OPCML: variants seen among roughly 807,000 people sequenced by gnomAD.
OPCML encodes opioid binding protein/cell adhesion molecule like, also known as opioid-binding protein/cell adhesion molecule.
In OPCML, 13 loss-of-function variants were observed where a neutral mutation model predicts 37.8. The observed-to-expected ratio is 0.34, with a 90% CI of 0.22 to 0.55. The LOEUF is 0.55. Among genes scored for constraint, OPCML ranks in the 20% least tolerant of loss-of-function variants. OPCML has a pLI of 0.91. For missense variants in OPCML, 341 were observed against 435.6 expected (o/e 0.78, Z 1.93); for synonymous variants, 176 against 168.8 (o/e 1.04, Z -0.33).
intron 2 of OPCML, 143 bp from the exon 3 acceptor site, chr11:132,657,462 A>G (rs1941764833): frequency 2.1e-6 from 3 of 1,425,924 alleles, no homozygotes; most frequent in South Asian, 3.1e-5. Context: ...ACAATTATTG[A>G]TGAAACTTCC....
At chr11:132,982,065 T>A (rs1946599478) in intron 1 of OPCML, among the ~76,000 whole-genome samples, 1 of 152,150 alleles carries the variant, frequency 6.6e-6, no homozygotes, top group African/African-American at 2.4e-5. Flanking sequence ...ATTCTACGGC[T>A]CGAATACGGG....
intron 1 of OPCML, among the ~76,000 whole-genome samples, chr11:133,424,662 G>A (rs1037263129): frequency 2.2e-4 from 33 of 152,104 alleles, no homozygotes; most frequent in African/African-American, 5.3e-4. Context: ...TAAAAATGCC[G>A]TGATAAACAT....
chr11:132,967,638 G>A (rs1217773854), intron 1 of OPCML, among the ~76,000 whole-genome samples: 4 of 152,100 alleles, frequency 2.6e-5, no homozygotes, highest in African/African-American at 9.7e-5. Context: ...TGTACACATT[G>A]CTTTCTACAA....
At chr11:132,840,339 G>C (rs1436488411) in intron 2 of OPCML, among the ~76,000 whole-genome samples, 1 of 152,200 alleles carries the variant, frequency 6.6e-6, no homozygotes, top group Non-Finnish European at 1.5e-5. Context: ...CAGCAGCCCT[G>C]TGTCCGAATT....
At chr11:133,389,613 T>C (rs1399547928) in intron 1 of OPCML, among the ~76,000 whole-genome samples, 1 of 152,232 alleles carries the variant, frequency 6.6e-6, no homozygotes, top group Non-Finnish European at 1.5e-5. Context: ...TTATTATTAC[T>C]ATACTTTGTA....
chr11:132,715,105 C>T (rs1199643225), intron 2 of OPCML, among the ~76,000 whole-genome samples: 1 of 152,196 alleles, frequency 6.6e-6, no homozygotes, highest in Non-Finnish European at 1.5e-5. Flanking sequence ...GGAACTGTGA[C>T]TCCACTGCTC....
chr11:133,259,679 T>TA (rs1187464952), intron 1 of OPCML, among the ~76,000 whole-genome samples: 4 of 152,204 alleles, frequency 2.6e-5, no homozygotes, highest in Non-Finnish European at 5.9e-5. Context: ...TTATACTTTT[T>TA]AAAAAATTAG....
chr11:132,631,142 A>G (rs1940077771), intron 3 of OPCML, among the ~76,000 whole-genome samples: 1 of 151,888 alleles, frequency 6.6e-6, no homozygotes, highest in Non-Finnish European at 1.5e-5. Flanking sequence ...TATTTCCTTA[A>G]GTTCTCTCAT....
intron 1 of OPCML, among the ~76,000 whole-genome samples, chr11:133,481,950 C>T (rs887538116): frequency 1.3e-5 from 2 of 152,132 alleles, no homozygotes; most frequent in South Asian, 4.1e-4. Flanking sequence ...AGGTCAGAAA[C>T]CTAATGGGCT....
intron 3 of OPCML, among the ~76,000 whole-genome samples, chr11:132,647,075 C>T (rs1941188526): frequency 6.6e-6 from 1 of 152,132 alleles, no homozygotes; most frequent in African/African-American, 2.4e-5. Flanking sequence ...TTGTAAATGA[C>T]CTGGCGTGGC....
At chr11:133,341,108 G>T (rs568024064) in intron 1 of OPCML, among the ~76,000 whole-genome samples, 3 of 152,100 alleles carry the variant, frequency 2.0e-5, no homozygotes, top group Non-Finnish European at 4.4e-5. Context: ...CGAGCTTCTT[G>T]TGGGACTCTG....
chr11:132,789,292 T>G (rs1281152726), intron 2 of OPCML, among the ~76,000 whole-genome samples: 2 of 152,246 alleles, frequency 1.3e-5, no homozygotes, highest in South Asian at 4.1e-4. Flanking sequence ...TGTTCACCAC[T>G]GTCTAGGCAA....
intron 1 of OPCML, among the ~76,000 whole-genome samples, chr11:133,494,834 C>T (rs1235685313): frequency 6.6e-6 from 1 of 151,088 alleles, no homozygotes; most frequent in African/African-American, 2.4e-5. Flanking sequence ...AACTAACCTG[C>T]ACATTGTGCA....
chr11:133,283,809 C>T (rs1360299690), intron 1 of OPCML, among the ~76,000 whole-genome samples: 1 of 152,160 alleles, frequency 6.6e-6, no homozygotes, highest in Non-Finnish European at 1.5e-5. Flanking sequence ...CTATGGGCTT[C>T]ATGCCTTAGA....
intron 1 of OPCML, among the ~76,000 whole-genome samples, chr11:133,414,266 G>A (rs944967375): frequency 6.6e-5 from 10 of 152,048 alleles, no homozygotes; most frequent in African/African-American, 1.9e-4. Flanking sequence ...ATGTATATAC[G>A]TGGTTTTCAT....
intron 2 of OPCML, among the ~76,000 whole-genome samples, chr11:132,752,971 C>T (rs1945890394): frequency 6.6e-6 from 1 of 152,194 alleles, no homozygotes; most frequent in Non-Finnish European, 1.5e-5. Context: ...GCAATAGCTG[C>T]CTTACTGGCT....
At chr11:133,189,881 C>CAATTGAACACTCTTCT (rs1426384442) in intron 1 of OPCML, among the ~76,000 whole-genome samples, 2 of 152,216 alleles carry the variant, frequency 1.3e-5, no homozygotes, top group Non-Finnish European at 2.9e-5. Flanking sequence ...GCAGCTAGGG[C>CAATTGAACACTCTTCT]AATTGAACAC....
intron 1 of OPCML, among the ~76,000 whole-genome samples, chr11:133,160,699 T>C (rs513650): frequency 0.98 from 149,294 of 152,310 alleles, 73,179 homozygotes; most frequent in East Asian, 1. Flanking sequence ...CTCTGTGGAC[T>C]GAGAGCCTGG....
intron 2 of OPCML, among the ~76,000 whole-genome samples, chr11:132,753,479 G>A (rs1464497918): frequency 6.6e-6 from 1 of 152,138 alleles, no homozygotes; most frequent in Non-Finnish European, 1.5e-5. Flanking sequence ...TAGCTAGTTA[G>A]CCAGCTAGCT....
Sources: gnomAD v4.1 joint callset for allele counts (sites outside exome capture counted in the v4.1 genomes callset) on GRCh38, gnomAD v4.1.1 for gene constraint, MANE v1.5 for transcripts, NCBI Gene and HGNC (gene_info 2026-07-23, HGNC 2026-07-21) for gene names.